Variants in PDE8A observed in about 807,000 individuals in gnomAD.
PDE8A encodes the protein high affinity cAMP-specific and IBMX-insensitive 3',5'-cyclic phosphodiesterase 8A.
In PDE8A, 59 loss-of-function variants were observed where a neutral mutation model predicts 105.0. The observed-to-expected ratio is 0.56, with a 90% confidence interval of 0.46 to 0.70. The LOEUF is 0.70. Ranked by LOEUF, PDE8A falls within the 30% of genes least tolerant of loss-of-function variation. The pLI is 0.00. For missense variants in PDE8A, 1,014 were observed against 1,045.9 expected (o/e 0.97, Z 0.42); for synonymous variants, 355 against 371.9 (o/e 0.95, Z 0.52).
chr15:85,038,966 A>G (rs1365408852), intron 1 of PDE8A, among the ~76,000 whole-genome samples: 2 of 152,122 alleles, frequency 1.3e-5, no homozygotes, highest in African/African-American at 4.8e-5. Flanking sequence ...TACTAAAGAT[A>G]CAAAATTAGC....
intron 20 of PDE8A, among the ~76,000 whole-genome samples, chr15:85,129,043 T>G (rs1194435131): frequency 2.6e-5 from 4 of 152,234 alleles, no homozygotes; most frequent in Non-Finnish European, 4.4e-5. Context: ...TTCATTCTCT[T>G]CATATGGTAT....
At chr15:85,060,332 T>G (rs2081123874) in intron 1 of PDE8A, among the ~76,000 whole-genome samples, 1 of 152,208 alleles carries the variant, frequency 6.6e-6, no homozygotes, top group South Asian at 2.1e-4. Flanking sequence ...CCCACCCTTT[T>G]CAGTTATTGA....
intron 3 of PDE8A, among the ~76,000 whole-genome samples, chr15:85,074,709 C>G (rs536204144): frequency 3.3e-5 from 5 of 152,314 alleles, no homozygotes; most frequent in Non-Finnish European, 1.5e-5. Flanking sequence ...CATGATGAAT[C>G]TCTTACGCAT....
chr15:85,042,096 A>G (rs376478987), intron 1 of PDE8A, among the ~76,000 whole-genome samples: 2 of 152,164 alleles, frequency 1.3e-5, no homozygotes, highest in African/African-American at 2.4e-5. Context: ...TTTAATAAAA[A>G]ATAGTATAGG....
intron 11 of PDE8A, among the ~76,000 whole-genome samples, chr15:85,101,437 G>A (rs2081860488): frequency 6.6e-6 from 1 of 152,194 alleles, no homozygotes; most frequent in African/African-American, 2.4e-5. Flanking sequence ...GGAAAGTACA[G>A]GGCATGTTCC....
chr15:85,113,152 C>T (rs1293855433), intron 12 of PDE8A, among the ~76,000 whole-genome samples: 2 of 152,174 alleles, frequency 1.3e-5, no homozygotes, highest in South Asian at 2.1e-4. Flanking sequence ...CCTGTGACAT[C>T]AGAAGTTCAG....
Position 85,068,409 on chromosome 15 carries a change from C to G in PDE8A, c.434+1205C>G, listed in dbSNP as rs199520653. 1.2e-4 allele frequency among the ~76,000 whole-genome samples: 19 copies of G among 152,188 alleles called. No individual in the cohort carries two copies. In the East Asian group the frequency reaches 3.7e-3, roughly 29 times the overall value. On this transcript the variant is annotated intron_variant, in intron 3 of 21. Transcript: ENST00000394553. ...AGCACATTCATGGGGGATTGCAGCC[C>G]AAAAGAAATGGAGAGAGCTCCGGCC...
intron 1 of PDE8A, chr15:85,062,520 G>A (rs1373935484): frequency 6.6e-6 from 1 of 152,228 alleles, no homozygotes; most frequent in East Asian, 1.9e-4. Context: ...ACTGGAGGGG[G>A]AATGGCTTGC....
intron 18 of PDE8A, 35 bp downstream of exon 18, chr15:85,121,049 CTCTT>C (rs142004997): frequency 0.16 from 214,219 of 1,319,088 alleles, 20,191 homozygotes; most frequent in Middle Eastern, 0.23. Flanking sequence ...GTTGATCCCT[CTCTT>C]TCTTTTTTAA....
chr15:85,086,221 G>A (rs1010920117), intron 6 of PDE8A, among the ~76,000 whole-genome samples: 1 of 152,018 alleles, frequency 6.6e-6, no homozygotes, highest in Non-Finnish European at 1.5e-5. Context: ...GTAGGGCTAC[G>A]TAAGTACTAA....
chr15:85,137,295 G>T (rs1018463296), intron 21 of PDE8A, among the ~76,000 whole-genome samples: 3 of 152,136 alleles, frequency 2.0e-5, no homozygotes, highest in Non-Finnish European at 2.9e-5. Context: ...CTGCAGCTTT[G>T]GGGGACACTG....
chr15:85,065,336 GA>G (rs1197990858), intron 2 of PDE8A, among the ~76,000 whole-genome samples: 2 of 110,632 alleles, frequency 1.8e-5, no homozygotes, highest in Admixed American at 2.2e-4. Context: ...CTGTGGTGGG[GA>G]GGGGGGAGGG....
At chr15:85,043,056 T>A (rs1371371934) in intron 1 of PDE8A, among the ~76,000 whole-genome samples, 1 of 150,704 alleles carries the variant, frequency 6.6e-6, no homozygotes, top group Non-Finnish European at 1.5e-5. Flanking sequence ...AGTGATCAGG[T>A]ATGCAGGCAA....
intron 11 of PDE8A, among the ~76,000 whole-genome samples, chr15:85,101,237 C>T: frequency 6.6e-6 from 1 of 152,108 alleles, no homozygotes; most frequent in African/African-American, 2.4e-5. Flanking sequence ...ATGGGTGCCC[C>T]AGGAGCAATC....
chr15:85,118,871 C>A (rs528468443), intron 17 of PDE8A, among the ~76,000 whole-genome samples: 1 of 152,324 alleles, frequency 6.6e-6, no homozygotes, highest in East Asian at 1.9e-4. Flanking sequence ...CTGGCACACA[C>A]AGGGAGTGAA....
At chr15:85,110,282 C>T (rs2082002872) in intron 12 of PDE8A, among the ~76,000 whole-genome samples, 1 of 152,134 alleles carries the variant, frequency 6.6e-6, no homozygotes, top group Admixed American at 6.5e-5. Flanking sequence ...CTTTGGATTC[C>T]TTGGTATATT....
At chr15:85,107,918 AG>A (rs1306580681) in intron 11 of PDE8A, among the ~76,000 whole-genome samples, 3 of 152,178 alleles carry the variant, frequency 2.0e-5, no homozygotes, top group Admixed American at 1.3e-4. Context: ...TGGAAACACC[AG>A]GGGTACTGAG....
chr15:85,054,287 T>G (rs2081024226), intron 1 of PDE8A, among the ~76,000 whole-genome samples: 1 of 152,136 alleles, frequency 6.6e-6, no homozygotes, highest in Non-Finnish European at 1.5e-5. Flanking sequence ...CTCTTTTTTT[T>G]GTTGTGTCTC....
intron 8 of PDE8A, among the ~76,000 whole-genome samples, chr15:85,093,207 C>T (rs2081678107): frequency 6.6e-6 from 1 of 152,176 alleles, no homozygotes; most frequent in Non-Finnish European, 1.5e-5. Flanking sequence ...CTGGCCTGTA[C>T]TGCTTTATTT....
Sources: gnomAD v4.1 joint callset for allele counts (sites outside exome capture counted in the v4.1 genomes callset) on GRCh38, gnomAD v4.1.1 for gene constraint, MANE v1.5 for transcripts, NCBI Gene and HGNC (gene_info 2026-07-23, HGNC 2026-07-21) for gene names.